Variants in RGS8 observed in about 807,000 individuals in gnomAD.
The protein encoded by RGS8 is regulator of G protein signaling 8.
Under a neutral mutation model 21.7 loss-of-function variants are expected in RGS8, and 8 were observed. The observed-to-expected ratio is 0.37, with a 90% CI of 0.22 to 0.66. RGS8 has a LOEUF of 0.66. Ranked by LOEUF, RGS8 falls within the 30% of genes least tolerant of loss-of-function variation. RGS8 has a pLI of 0.59. For missense variants in RGS8, 157 were observed against 217.9 expected, an observed-to-expected ratio of 0.72 and a Z score of 1.76; for synonymous variants, 80 against 83.6, an observed-to-expected ratio of 0.96 and a Z score of 0.24.
the RGS8 span, among the ~76,000 whole-genome samples, chr1:182,750,593 G>T: frequency 2.0e-5 from 3 of 152,100 alleles, no homozygotes; most frequent in African/African-American, 7.2e-5. Context: ...TTTGTTGAGG[G>T]TTCCTCTAAC....
At chr1:182,685,959 C>A (rs1664692141), upstream of RGS8, among the ~76,000 whole-genome samples, 1 of 152,104 alleles carries the variant, frequency 6.6e-6, no homozygotes, top group Non-Finnish European at 1.5e-5. Context: ...TAAGCACTCA[C>A]AGAGCTCTGC....
At chr1:182,669,302 C>A (rs1664035079) in intron 3 of RGS8, among the ~76,000 whole-genome samples, 1 of 152,182 alleles carries the variant, frequency 6.6e-6, no homozygotes, top group African/African-American at 2.4e-5. Flanking sequence ...AGCCCCATCC[C>A]AGTAACTCAC....
intron 5 of RGS8, among the ~76,000 whole-genome samples, chr1:182,651,016 A>C (rs552975): frequency 0.13 from 19,833 of 152,198 alleles, 2,948 homozygotes; most frequent in African/African-American, 0.36. Flanking sequence ...GAGTAACGTA[A>C]TTTAGACTCA....
chr1:182,668,429 AGACC>A (rs768605945), intron 3 of RGS8, among the ~76,000 whole-genome samples: 18 of 152,224 alleles, frequency 1.2e-4, no homozygotes, highest in Non-Finnish European at 2.5e-4. Flanking sequence ...GGGTGGGAAG[AGACC>A]TTAGAGGTCG....
chr1:182,666,145 A>G, intron 4 of RGS8, 112 bp from the exon 6 acceptor site: 1 of 818,838 alleles, frequency 1.2e-6, no homozygotes, highest in Non-Finnish European at 2.0e-6. Flanking sequence ...GGAAGGGTGC[A>G]GGGAGCAAAT....
chr1:182,731,198 G>T, the RGS8 span, among the ~76,000 whole-genome samples: 1 of 152,168 alleles, frequency 6.6e-6, no homozygotes, highest in African/African-American at 2.4e-5. Context: ...ATCTGCAGTT[G>T]CTGGAGAATC....
chr1:182,661,951 A>G (rs1663612429), intron 5 of RGS8, among the ~76,000 whole-genome samples: 1 of 152,150 alleles, frequency 6.6e-6, no homozygotes. Flanking sequence ...ATCCTTCCCT[A>G]TTTAATGAAG....
the RGS8 span, among the ~76,000 whole-genome samples, chr1:182,712,190 G>A: frequency 4.6e-5 from 7 of 152,294 alleles, no homozygotes; most frequent in South Asian, 1.5e-3. Context: ...AAAGGATGCT[G>A]GACTTATCAT....
intron 1 of RGS8, among the ~76,000 whole-genome samples, chr1:182,681,345 A>C (rs1664529379): frequency 1.3e-5 from 2 of 152,210 alleles, no homozygotes; most frequent in Admixed American, 6.5e-5. Context: ...GATAGTAACA[A>C]AAGCTTTACC....
intron 2 of RGS8, 126 bp from the exon 4 acceptor site, chr1:182,669,878 T>C: frequency 1.8e-6 from 2 of 1,081,840 alleles, no homozygotes; most frequent in Non-Finnish European, 2.5e-6. Flanking sequence ...CCCACAAATG[T>C]CCACTTGTCC....
chr1:182,679,167 T>A (rs1158294662), intron 1 of RGS8, among the ~76,000 whole-genome samples: 1 of 152,202 alleles, frequency 6.6e-6, no homozygotes, highest in African/African-American at 2.4e-5. Flanking sequence ...AAAATTCCCC[T>A]TGGGAAACAC....
chr1:182,646,722 T>A (rs1662719138), exon 7 of RGS8: 1 of 1,599,088 alleles, frequency 6.3e-7, no homozygotes, highest in Non-Finnish European at 8.5e-7. Context: ...TTCCAGGAGT[T>A]CCCTTCTGAG....
the RGS8 span, among the ~76,000 whole-genome samples, chr1:182,707,591 C>T: frequency 6.6e-6 from 1 of 152,154 alleles, no homozygotes; most frequent in Non-Finnish European, 1.5e-5. Context: ...TATGGTTTGG[C>T]CAGGAAAAGT....
At chr1:182,690,207 C>T in the RGS8 span, among the ~76,000 whole-genome samples, 1 of 152,146 alleles carries the variant, frequency 6.6e-6, no homozygotes. Flanking sequence ...GCCTTAACAA[C>T]TAATGGATAG....
chr1:182,706,946 T>G, the RGS8 span, among the ~76,000 whole-genome samples: 1 of 151,844 alleles, frequency 6.6e-6, no homozygotes, highest in Non-Finnish European at 1.5e-5. Flanking sequence ...TCACCTGAGG[T>G]CAGGAGTTCA....
intron 3 of RGS8, among the ~76,000 whole-genome samples, chr1:182,667,511 C>T (rs1471209359): frequency 6.6e-6 from 1 of 152,174 alleles, no homozygotes; most frequent in Non-Finnish European, 1.5e-5. Flanking sequence ...ACAAATCTAG[C>T]TATAGTCAAC....
At chr1:182,720,964 T>C in the RGS8 span, among the ~76,000 whole-genome samples, 2 of 58,430 alleles carry the variant, frequency 3.4e-5, 1 homozygote, top group Admixed American at 3.0e-4. Flanking sequence ...CATACATATG[T>C]GTGTATATAT....
chr1:182,716,926 CT>C, the RGS8 span, among the ~76,000 whole-genome samples: 1 of 152,166 alleles, frequency 6.6e-6, no homozygotes, highest in Admixed American at 6.5e-5. Flanking sequence ...TTGGCTAAGT[CT>C]TTTCATCTGT....
chr1:182,700,984 A>G, the RGS8 span, among the ~76,000 whole-genome samples: 7 of 152,366 alleles, frequency 4.6e-5, no homozygotes, highest in Admixed American at 3.3e-4. Context: ...AATGAGTTAC[A>G]TATATTATGA....
Sources: allele counts gnomAD v4.1 joint callset (sites outside exome capture counted in the v4.1 genomes callset), GRCh38; gene constraint gnomAD v4.1.1; transcripts MANE v1.5; gene names NCBI Gene and HGNC (gene_info 2026-07-23, HGNC 2026-07-21).